PTN: variants seen among roughly 807,000 people sequenced by gnomAD.
PTN encodes the protein pleiotrophin, also known as heparin affin regulatory protein.
PTN carries 18 observed loss-of-function variants against 24.1 expected under a neutral mutation model. The ratio of observed to expected loss-of-function variants is 0.75; its 90% CI spans 0.52 to 1.11. The LOEUF (loss-of-function observed/expected upper bound fraction) is 1.11. Among genes scored for constraint, PTN ranks in the 50% least tolerant of loss-of-function variants. The pLI, the probability that PTN is intolerant of heterozygous loss-of-function variation, is 0.00. For missense variants in PTN, 163 were observed against 198.8 expected (o/e 0.82, Z 1.08); for synonymous variants, 78 against 68.6 (o/e 1.14, Z -0.67).
intron 1 of PTN, among the ~76,000 whole-genome samples, chr7:137,312,851 A>G (rs1427440161): frequency 6.6e-6 from 1 of 152,244 alleles, no homozygotes; most frequent in African/African-American, 2.4e-5. Flanking sequence ...AACTAATTCA[A>G]ACTAATTTAC....
At chr7:137,278,212 CAGG>C (rs1809399015) in intron 1 of PTN, among the ~76,000 whole-genome samples, 1 of 142,698 alleles carries the variant, frequency 7.0e-6, no homozygotes, top group Admixed American at 7.3e-5. Flanking sequence ...GAGGCTGAGG[CAGG>C]AGAATGGCGT....
intron 1 of PTN, among the ~76,000 whole-genome samples, chr7:137,278,293 C>T (rs1195697086): frequency 7.2e-5 from 7 of 96,900 alleles, no homozygotes; most frequent in Admixed American, 1.8e-4. Flanking sequence ...GGCGACAGAG[C>T]GAGACTCCGT....
chr7:137,245,529 T>C (rs190049141), intron 4 of PTN, among the ~76,000 whole-genome samples: 1 of 152,322 alleles, frequency 6.6e-6, no homozygotes, highest in East Asian at 1.9e-4. Flanking sequence ...AGAGTGATAA[T>C]AAATGGCTAT....
chr7:137,252,555 T>A (rs1169831972), intron 3 of PTN, among the ~76,000 whole-genome samples: 8 of 151,856 alleles, frequency 5.3e-5, no homozygotes, highest in Admixed American at 5.2e-4. Flanking sequence ...CTGTTCTCCA[T>A]CACACTTTTA....
intron 1 of PTN, among the ~76,000 whole-genome samples, chr7:137,272,483 T>G (rs1040549805): frequency 1.3e-5 from 2 of 152,212 alleles, no homozygotes; most frequent in African/African-American, 4.8e-5. Context: ...TATCGCTATC[T>G]CTGGAGCACA....
At chr7:137,295,540 A>G (rs1479216524) in intron 1 of PTN, among the ~76,000 whole-genome samples, 1 of 152,098 alleles carries the variant, frequency 6.6e-6, no homozygotes, top group Non-Finnish European at 1.5e-5. Flanking sequence ...ACATGGTGTA[A>G]GTGTAAAATA....
At chr7:137,266,317 A>G (rs1809143638) in intron 1 of PTN, among the ~76,000 whole-genome samples, 1 of 152,216 alleles carries the variant, frequency 6.6e-6, no homozygotes, top group African/African-American at 2.4e-5. Flanking sequence ...TAATGTAGGT[A>G]AAAATCCACA....
chr7:137,314,468 A>G (rs1235993052), intron 1 of PTN, among the ~76,000 whole-genome samples: 2 of 152,204 alleles, frequency 1.3e-5, no homozygotes, highest in African/African-American at 4.8e-5. Flanking sequence ...AAGTGCCACA[A>G]TATTAGACTC....
At chr7:137,270,689 T>G (rs1438217545) in intron 1 of PTN, among the ~76,000 whole-genome samples, 2 of 152,184 alleles carry the variant, frequency 1.3e-5, no homozygotes, top group Non-Finnish European at 2.9e-5. Context: ...ACAAGATTCC[T>G]GACCACACAA....
chr7:137,237,484 C>T (rs1808544352), intron 4 of PTN, among the ~76,000 whole-genome samples: 1 of 152,142 alleles, frequency 6.6e-6, no homozygotes, highest in Non-Finnish European at 1.5e-5. Flanking sequence ...AGAGCATATT[C>T]ACTAGCTGTA....
At chr7:137,243,668 G>A (rs1425717428) in intron 4 of PTN, among the ~76,000 whole-genome samples, 3 of 152,090 alleles carry the variant, frequency 2.0e-5, no homozygotes, top group Non-Finnish European at 2.9e-5. Context: ...AAGCAGACAC[G>A]CTTAAATGAG....
intron 1 of PTN, among the ~76,000 whole-genome samples, chr7:137,271,894 G>T (rs1355352183): frequency 6.6e-6 from 1 of 152,136 alleles, no homozygotes; most frequent in African/African-American, 2.4e-5. Context: ...ACAAAGTTTT[G>T]GGATTAGAGA....
intron 1 of PTN, among the ~76,000 whole-genome samples, chr7:137,276,499 T>C (rs549505707): frequency 1.4e-4 from 22 of 152,312 alleles, no homozygotes; most frequent in Admixed American, 1.1e-3. Flanking sequence ...GAAATGGGTT[T>C]TGAGGGCCCC....
intron 1 of PTN, among the ~76,000 whole-genome samples, chr7:137,323,223 C>A (rs1810193974): frequency 6.6e-6 from 1 of 152,268 alleles, no homozygotes; most frequent in Admixed American, 6.5e-5. Flanking sequence ...ATAACAGATT[C>A]ACAGTGACCA....
intron 4 of PTN, among the ~76,000 whole-genome samples, chr7:137,236,662 C>T (rs1015431121): frequency 8.5e-5 from 13 of 152,048 alleles, no homozygotes; most frequent in African/African-American, 2.2e-4. Context: ...CACAAAAGAA[C>T]GATTTATCTC....
chr7:137,278,649 G>A (rs1012897099), intron 1 of PTN, among the ~76,000 whole-genome samples: 12 of 151,616 alleles, frequency 7.9e-5, no homozygotes, highest in African/African-American at 2.4e-4. Flanking sequence ...CAAAATACAA[G>A]GATTAACTTG....
Position 137,330,009 on chromosome 7 carries a change from G to A in PTN, c.-2+13430C>T, listed in dbSNP as rs569071716. Reference sequence around the variant, plus strand: ...CACATGAAAATAATGCCAGTTGGTCGGGTGCAGTGGCTCACACCTGTAATC... The same window carrying A: ...CACATGAAAATAATGCCAGTTGGTCAGGTGCAGTGGCTCACACCTGTAATC... On this transcript the variant is annotated intron_variant, in intron 1 of 4. Transcript: ENST00000348225. Among the ~76,000 whole-genome samples, 5 of 152,262 alleles carry A rather than the reference G, an allele frequency of 3.3e-5. No individual in the cohort carries two copies. The East Asian group carries it at 7.7e-4, about 24-fold the overall frequency.
chr7:137,318,582 A>G (rs1036039159), intron 1 of PTN: 3 of 152,210 alleles, frequency 2.0e-5, no homozygotes, highest in Admixed American at 2.0e-4. Context: ...GAAAGATGAG[A>G]CAAGTAAATG....
chr7:137,278,004 AT>A, intron 1 of PTN, among the ~76,000 whole-genome samples: 1 of 152,200 alleles, frequency 6.6e-6, no homozygotes, highest in South Asian at 2.1e-4. Flanking sequence ...GCATAAATTC[AT>A]TTTTTAAAAA....
Sources: gnomAD v4.1 joint callset for allele counts (sites outside exome capture counted in the v4.1 genomes callset) on GRCh38, gnomAD v4.1.1 for gene constraint, MANE v1.5 for transcripts, NCBI Gene and HGNC (gene_info 2026-07-23, HGNC 2026-07-21) for gene names.